SLC49A4: variants seen among roughly 807,000 people sequenced by gnomAD.
The protein encoded by SLC49A4 is disrupted in renal cancer protein 2.
Under a neutral mutation model 50.6 loss-of-function variants are expected in SLC49A4, and 36 were observed. The ratio of observed to expected loss-of-function variants is 0.71; its 90% CI spans 0.55 to 0.94. The LOEUF is 0.94. SLC49A4 is among the 40% of genes least tolerant of loss of function. The pLI is 0.00. For synonymous variants in SLC49A4, 248 were observed against 241.2 expected (o/e 1.03, Z -0.26); for missense variants, 503 against 605.7 (o/e 0.83, Z 1.78).
chr3:122,865,874 T>G (rs1292573190), intron 7 of SLC49A4, among the ~76,000 whole-genome samples: 1 of 152,214 alleles, frequency 6.6e-6, no homozygotes, highest in Non-Finnish European at 1.5e-5. Context: ...ATTCTACTCC[T>G]TAAGATATAA....
At chr3:122,831,482 A>G (rs1936608171) in intron 3 of SLC49A4, among the ~76,000 whole-genome samples, 1 of 152,154 alleles carries the variant, frequency 6.6e-6, no homozygotes, top group African/African-American at 2.4e-5. Flanking sequence ...ATGACCCTTG[A>G]GAACATTATG....
chr3:122,873,346 A>G (rs1408777364), intron 8 of SLC49A4, among the ~76,000 whole-genome samples: 1 of 151,858 alleles, frequency 6.6e-6, no homozygotes, highest in East Asian at 1.9e-4. Flanking sequence ...TGCCTGACTC[A>G]TTTTTGTGTT....
intron 4 of SLC49A4, among the ~76,000 whole-genome samples, chr3:122,837,981 A>G (rs1332191837): frequency 2.6e-5 from 4 of 152,168 alleles, no homozygotes; most frequent in Admixed American, 6.5e-5. Context: ...TGGCCATCAG[A>G]GAAATGCAAA....
chr3:122,847,748 T>TA (rs977515659), intron 5 of SLC49A4, among the ~76,000 whole-genome samples: 16 of 152,060 alleles, frequency 1.1e-4, no homozygotes, highest in African/African-American at 1.9e-4. Context: ...TACATAAAAT[T>TA]AAAAAAATTA....
intron 5 of SLC49A4, among the ~76,000 whole-genome samples, chr3:122,851,194 G>A (rs1409981936): frequency 6.6e-6 from 1 of 151,994 alleles, no homozygotes; most frequent in Non-Finnish European, 1.5e-5. Flanking sequence ...TCATTGACTC[G>A]AATTTATCTT....
chr3:122,839,823 A>T (rs1190802121), intron 4 of SLC49A4, among the ~76,000 whole-genome samples: 1 of 152,222 alleles, frequency 6.6e-6, no homozygotes, highest in Admixed American at 6.5e-5. Flanking sequence ...TATGCAAAAC[A>T]GTATGGAGAT....
chr3:122,878,048 C>T (rs1328026814), intron 8 of SLC49A4, among the ~76,000 whole-genome samples: 1 of 152,176 alleles, frequency 6.6e-6, no homozygotes, highest in East Asian at 1.9e-4. Flanking sequence ...TATTGCAGCA[C>T]CTTTTCTTGC....
In SLC49A4 at chr3:122,807,724, C is replaced by A. The variant is rs532852006; in HGVS notation, c.437+774C>A. Reference sequence around the variant, plus strand: ...AGAAATTTTTTCCCTTTCAGAAGGACCCATAAATTACTCAAGTTCGAGAGA... The same window carrying A: ...AGAAATTTTTTCCCTTTCAGAAGGAACCATAAATTACTCAAGTTCGAGAGA... On this transcript the variant is annotated intron_variant, in intron 2 of 8. Coordinates refer to ENST00000261038, the MANE Select transcript of SLC49A4 (RefSeq NM_032839.3). Among the ~76,000 whole-genome samples, 18 of 152,076 alleles carry A rather than the reference C, an allele frequency of 1.2e-4. No individual in the cohort carries two copies. The East Asian group carries it at 1.4e-3, about 11-fold the overall frequency.
chr3:122,864,522 CA>C (rs566276536), intron 7 of SLC49A4, among the ~76,000 whole-genome samples: 307 of 152,258 alleles, frequency 2.0e-3, no homozygotes, highest in African/African-American at 6.6e-3. Context: ...GACTGTTTGA[CA>C]GAAGTTGCCT....
intron 6 of SLC49A4, among the ~76,000 whole-genome samples, chr3:122,859,760 A>G (rs1937034378): frequency 6.6e-6 from 1 of 152,180 alleles, no homozygotes; most frequent in Non-Finnish European, 1.5e-5. Flanking sequence ...GTGAGGCTGC[A>G]GTGAGCCGTG....
chr3:122,802,451 C>G (rs1454396453), intron 1 of SLC49A4, among the ~76,000 whole-genome samples: 1 of 152,176 alleles, frequency 6.6e-6, no homozygotes, highest in Non-Finnish European at 1.5e-5. Flanking sequence ...GGGTGTTCCT[C>G]TTGAGTCTTC....
At chr3:122,809,563 T>C (rs1936271702) in intron 2 of SLC49A4, among the ~76,000 whole-genome samples, 2 of 152,112 alleles carry the variant, frequency 1.3e-5, no homozygotes, top group East Asian at 1.9e-4. Context: ...TCAAAAAAAA[T>C]ACCTATTAAT....
Position 122,860,103 on chromosome 3 carries a change from A to C in SLC49A4, c.1039A>C (p.Lys347Gln). The part of the protein sequence containing the change: ...RFADFIRGML[K>Q]LILLLLFSGA... ...TGCAGATTTTATCAGGGGTATGCTG[A>C]AACTAATTCTTCTCCTCCTGTTTTC... Residue 347 changes from lysine to glutamine, a missense_variant, in exon 7 of 9, where the codon AAA becomes CAA. Lys to Gln is a moderately conservative substitution (Grantham distance 53, BLOSUM62 1). Transcript: ENST00000261038. 1 of 1,612,160 alleles carries C rather than the reference A, an allele frequency of 6.2e-7. No individual in the cohort carries two copies. Among genetic ancestry groups the C allele is most frequent in the South Asian group, 1.1e-5 (1 of 90,764 alleles).
At chr3:122,808,590 G>A (rs1478849195) in intron 2 of SLC49A4, among the ~76,000 whole-genome samples, 1 of 152,166 alleles carries the variant, frequency 6.6e-6, no homozygotes, top group Non-Finnish European at 1.5e-5. Context: ...TAGTGGGAGG[G>A]TGGGACCAGA....
intron 2 of SLC49A4, among the ~76,000 whole-genome samples, chr3:122,809,554 C>CA (rs879589425): frequency 3.2e-4 from 49 of 151,722 alleles, no homozygotes; most frequent in Admixed American, 3.3e-4. Flanking sequence ...GACCCCATCT[C>CA]AAAAAAAATA....
intron 4 of SLC49A4, among the ~76,000 whole-genome samples, chr3:122,834,608 T>C (rs1055556356): frequency 3.3e-5 from 5 of 152,062 alleles, no homozygotes; most frequent in African/African-American, 1.2e-4. Flanking sequence ...TATCAAAAAG[T>C]CTGAAAGATT....
chr3:122,863,200 A>T (rs1398311982), intron 7 of SLC49A4, among the ~76,000 whole-genome samples: 1 of 152,222 alleles, frequency 6.6e-6, no homozygotes, highest in East Asian at 1.9e-4. Context: ...AGATTTGTCC[A>T]CATTCCTTCT....
At chr3:122,858,707 A>T (rs1937020989) in intron 6 of SLC49A4, among the ~76,000 whole-genome samples, 2 of 152,234 alleles carry the variant, frequency 1.3e-5, no homozygotes, top group Admixed American at 1.3e-4. Flanking sequence ...AACTTTAGAA[A>T]ATTAAAAGTG....
intron 8 of SLC49A4, among the ~76,000 whole-genome samples, chr3:122,874,445 A>G (rs1937236724): frequency 6.6e-6 from 1 of 152,172 alleles, no homozygotes; most frequent in Non-Finnish European, 1.5e-5. Flanking sequence ...CCCATTTCTG[A>G]TATAATCAAG....
Sources: gnomAD v4.1 joint callset for allele counts (sites outside exome capture counted in the v4.1 genomes callset) on GRCh38, gnomAD v4.1.1 for gene constraint, MANE v1.5 for transcripts, NCBI Gene and HGNC (gene_info 2026-07-23, HGNC 2026-07-21) for gene names.